PTPRD: variants seen among roughly 807,000 people sequenced by gnomAD.
The protein encoded by PTPRD is receptor-type tyrosine-protein phosphatase delta.
Under a neutral mutation model 214.5 loss-of-function variants are expected in PTPRD, and 34 were observed. The ratio of observed to expected loss-of-function variants is 0.16; its 90% CI spans 0.12 to 0.21. The LOEUF is 0.21. Ranked by LOEUF, PTPRD falls within the 10% of genes least tolerant of loss-of-function variation. The pLI is 1.00. For synonymous variants in PTPRD, 1,128 were observed against 845.7 expected, an observed-to-expected ratio of 1.33 and a Z score of -5.79; for missense variants, 2,545 against 2,398.7, an observed-to-expected ratio of 1.06 and a Z score of -1.27.
At chr9:8,984,984 G>C (rs2154342923) in intron 11 of PTPRD, among the ~76,000 whole-genome samples, 1 of 152,136 alleles carries the variant, frequency 6.6e-6, no homozygotes, top group South Asian at 2.1e-4. Context: ...ATTGAATCAA[G>C]TTGGAGGAAA....
intron 14 of PTPRD, among the ~76,000 whole-genome samples, chr9:8,558,992 G>A (rs1051904321): frequency 3.3e-5 from 5 of 151,448 alleles, no homozygotes; most frequent in African/African-American, 9.8e-5. Flanking sequence ...GTACAACTGC[G>A]TTTAAAATCT....
At chr9:9,454,305 C>T (rs2092680081) in intron 8 of PTPRD, among the ~76,000 whole-genome samples, 1 of 151,694 alleles carries the variant, frequency 6.6e-6, no homozygotes, top group South Asian at 2.1e-4. Context: ...TTTGAAGCCA[C>T]CAATGTGAAA....
chr9:9,908,347 G>T (rs1224091516), intron 5 of PTPRD, among the ~76,000 whole-genome samples: 1 of 151,900 alleles, frequency 6.6e-6, no homozygotes, highest in African/African-American at 2.4e-5. Flanking sequence ...GGGAACAGAG[G>T]GCATTTCAAC....
intron 43 of PTPRD, among the ~76,000 whole-genome samples, chr9:8,332,149 CTAAT>C (rs749538325): frequency 1.9e-4 from 29 of 152,198 alleles, no homozygotes; most frequent in Non-Finnish European, 4.0e-4. Flanking sequence ...ATTTCAGAAA[CTAAT>C]TACTTTGTAA....
At chr9:8,325,338 TTAAA>T (rs1476748690) in intron 44 of PTPRD, among the ~76,000 whole-genome samples, 1 of 149,302 alleles carries the variant, frequency 6.7e-6, no homozygotes, top group Non-Finnish European at 1.5e-5. Context: ...ACACCATTTA[TTAAA>T]TAGAGGAGCC....
At chr9:9,642,482 G>C (rs916073137) in intron 7 of PTPRD, among the ~76,000 whole-genome samples, 1 of 152,148 alleles carries the variant, frequency 6.6e-6, no homozygotes, top group Non-Finnish European at 1.5e-5. Flanking sequence ...ATATAGCTTA[G>C]AAGGTATATA....
chr9:9,246,038 C>A (rs896338137), intron 9 of PTPRD, among the ~76,000 whole-genome samples: 3 of 151,866 alleles, frequency 2.0e-5, no homozygotes, highest in African/African-American at 7.2e-5. Flanking sequence ...AATAATCATG[C>A]CAATTTTAAT....
At chr9:9,550,894 A>C (rs186028664) in intron 8 of PTPRD, among the ~76,000 whole-genome samples, 4 of 151,992 alleles carry the variant, frequency 2.6e-5, no homozygotes, top group African/African-American at 9.7e-5. Flanking sequence ...ACAAGAACAT[A>C]TCACTACACA....
At chr9:8,763,878 A>T (rs985993650) in intron 11 of PTPRD, among the ~76,000 whole-genome samples, 48 of 152,134 alleles carry the variant, frequency 3.2e-4, no homozygotes, top group African/African-American at 1.1e-3. Flanking sequence ...CTTTTTAAAA[A>T]TTCTCTCTCA....
intron 7 of PTPRD, among the ~76,000 whole-genome samples, chr9:9,639,694 A>G (rs2095875196): frequency 1.3e-5 from 2 of 152,196 alleles, no homozygotes; most frequent in African/African-American, 4.8e-5. Context: ...ATTATGGGTG[A>G]TAGATCTGGT....
At chr9:9,474,378 C>A (rs571787730) in intron 8 of PTPRD, among the ~76,000 whole-genome samples, 3 of 151,994 alleles carry the variant, frequency 2.0e-5, no homozygotes, top group East Asian at 3.9e-4. Flanking sequence ...ATTTTGAAGT[C>A]GGGTCCAGCT....
intron 14 of PTPRD, among the ~76,000 whole-genome samples, chr9:8,530,991 A>G (rs964997588): frequency 6.6e-6 from 1 of 152,130 alleles, no homozygotes; most frequent in Non-Finnish European, 1.5e-5. Context: ...GATTCATGAC[A>G]TAATACCTTC....
chr9:9,731,562 A>G (rs936147985), intron 7 of PTPRD, among the ~76,000 whole-genome samples: 1 of 152,040 alleles, frequency 6.6e-6, no homozygotes, highest in Non-Finnish European at 1.5e-5. Flanking sequence ...TGCACCCATT[A>G]ACTCGTCATT....
At chr9:8,828,426 G>T (rs546070405) in intron 11 of PTPRD, among the ~76,000 whole-genome samples, 1 of 152,154 alleles carries the variant, frequency 6.6e-6, no homozygotes, top group African/African-American at 2.4e-5. Context: ...ACCTGTCTGT[G>T]AACCAGGAAA....
At position 8,729,776 on chromosome 9, in the gene PTPRD, C is replaced by A. The variant is rs1308246548; in HGVS notation, c.64+4004G>T. Among the ~76,000 whole-genome samples, 4 of 152,192 alleles carry A rather than the reference C, an allele frequency of 2.6e-5. No homozygotes were observed. In the East Asian group the frequency reaches 7.7e-4, roughly 29 times the overall value. Reference sequence around the variant, plus strand: ...TCAAAACCAGACTATGGCTTCAGAGCTCACATTCTTAACCACTACTCTATG... The same window carrying A: ...TCAAAACCAGACTATGGCTTCAGAGATCACATTCTTAACCACTACTCTATG... On this transcript the variant is annotated intron_variant, in intron 12 of 45. Transcript: ENST00000381196.
intron 8 of PTPRD, among the ~76,000 whole-genome samples, chr9:9,496,753 T>C (rs2096210019): frequency 6.6e-6 from 1 of 152,172 alleles, no homozygotes; most frequent in Non-Finnish European, 1.5e-5. Context: ...CTGCTGGAAA[T>C]ATATCAAAAA....
intron 3 of PTPRD, among the ~76,000 whole-genome samples, chr9:10,102,056 G>A (rs71497176): frequency 0.01 from 1,521 of 151,802 alleles, 18 homozygotes; most frequent in African/African-American, 0.027. Context: ...ATTAATCACA[G>A]ATATGTTAAA....
At chr9:9,805,895 A>C (rs1278637130) in intron 5 of PTPRD, among the ~76,000 whole-genome samples, 4 of 152,210 alleles carry the variant, frequency 2.6e-5, no homozygotes, top group Non-Finnish European at 5.9e-5. Context: ...AAAGAAGAAA[A>C]GGCACAAAGT....
chr9:9,529,628 T>C (rs1357577001), intron 8 of PTPRD, among the ~76,000 whole-genome samples: 2 of 152,010 alleles, frequency 1.3e-5, no homozygotes, highest in African/African-American at 4.8e-5. Flanking sequence ...TTAACTTCTG[T>C]TATAGTACCA....
Sources: gnomAD v4.1 joint callset for allele counts (sites outside exome capture counted in the v4.1 genomes callset) on GRCh38, gnomAD v4.1.1 for gene constraint, MANE v1.5 for transcripts, NCBI Gene and HGNC (gene_info 2026-07-23, HGNC 2026-07-21) for gene names.